Variants in SCARA5 observed in about 807,000 individuals in gnomAD.
SCARA5 encodes scavenger receptor class A member 5, also known as scavenger receptor class A, member 5 (putative).
In SCARA5, 45 loss-of-function variants were observed where a neutral mutation model predicts 46.3. The observed-to-expected ratio is 0.97, with a 90% CI of 0.76 to 1.24. The LOEUF (loss-of-function observed/expected upper bound fraction) is 1.24. Among genes scored for constraint, SCARA5 ranks in the 50% most tolerant of loss-of-function variants. SCARA5 has a pLI of 0.00. For missense variants in SCARA5, 680 were observed against 689.0 expected, an observed-to-expected ratio of 0.99 and a Z score of 0.15; for synonymous variants, 333 against 306.5, an observed-to-expected ratio of 1.09 and a Z score of -0.90.
In SCARA5 at chr8:27,871,444, G is replaced by A; in HGVS notation, c.*490C>T. Reference sequence around the variant, plus strand: ...GGGGAGCAGAGGCAGAGTAAAGGGGGGAAATTCATCACTTGACGTTGCCTC... The same window carrying A: ...GGGGAGCAGAGGCAGAGTAAAGGGGAGAAATTCATCACTTGACGTTGCCTC... On this transcript the variant is annotated 3_prime_UTR_variant, in exon 9 of 9. Coordinates refer to ENST00000354914, the MANE Select transcript of SCARA5 (RefSeq NM_173833.6). 1 of 989,058 alleles carries A rather than the reference G, an allele frequency of 1.0e-6. No individual in the cohort carries two copies. Among genetic ancestry groups the A allele is most frequent in the Non-Finnish European group, 1.2e-6 (1 of 832,038 alleles). The allele number at this position is 989,058 out of a possible 1,614,324, so 61.3% of individuals were successfully genotyped here.
chr8:27,886,824 G>A (rs1290381129), intron 7 of SCARA5, among the ~76,000 whole-genome samples: 1 of 152,168 alleles, frequency 6.6e-6, no homozygotes, highest in Non-Finnish European at 1.5e-5. Context: ...GCCCCACAAT[G>A]TGTCAGCCCC....
intron 2 of SCARA5, among the ~76,000 whole-genome samples, chr8:27,973,485 AAATT>A (rs940542788): frequency 7.2e-5 from 11 of 151,844 alleles, no homozygotes; most frequent in African/African-American, 1.2e-4. Context: ...TCAAATAAAT[AAATT>A]AATTAATTAA....
intron 5 of SCARA5, 146 bp from the exon 6 acceptor site, chr8:27,907,392 C>T (rs1563520264): frequency 1.4e-5 from 8 of 564,224 alleles, no homozygotes; most frequent in South Asian, 9.3e-5. Flanking sequence ...TCTAAAGATG[C>T]CACCACAGCA....
chr8:27,953,562 G>T (rs1248545518), intron 3 of SCARA5, among the ~76,000 whole-genome samples: 1 of 152,214 alleles, frequency 6.6e-6, no homozygotes, highest in Non-Finnish European at 1.5e-5. Context: ...AGTGAGTTTG[G>T]GTTTGGGCCT....
chr8:27,941,800 C>CATCATTATTATTATTATT (rs1554573666), intron 3 of SCARA5, among the ~76,000 whole-genome samples: 1 of 135,312 alleles, frequency 7.4e-6, no homozygotes. Context: ...TTTACATCAT[C>CATCATTATTATTATTATT]ATTATTATTA....
At chr8:27,911,364 C>G (rs1227418245) in intron 4 of SCARA5, among the ~76,000 whole-genome samples, 1 of 152,196 alleles carries the variant, frequency 6.6e-6, no homozygotes, top group Non-Finnish European at 1.5e-5. Flanking sequence ...ACTCAGACTC[C>G]AAGCTCTCAC....
chr8:27,876,531 G>T (rs879860737), intron 8 of SCARA5, among the ~76,000 whole-genome samples: 1 of 152,122 alleles, frequency 6.6e-6, no homozygotes, highest in East Asian at 1.9e-4. Context: ...CTGGTAGGAC[G>T]GTTCTGGTGA....
chr8:27,913,529 C>T (rs775178308), intron 4 of SCARA5, among the ~76,000 whole-genome samples: 5 of 152,218 alleles, frequency 3.3e-5, no homozygotes, highest in African/African-American at 1.2e-4. Flanking sequence ...CATCCCTTTC[C>T]AGCTACATGC....
Position 27,941,800 on chromosome 8 carries a change from CATTATTATT to C in SCARA5, c.242-19564_242-19556del, listed in dbSNP as rs71536304. On this transcript the variant is annotated intron_variant, in intron 3 of 8. Transcript: ENST00000354914. The stretch of plus-strand genomic sequence containing the variant: ...AACATTTAATCCCCATTTACATCAT[CATTATTATT>C]ATTATTATTATTATTATTATTATTA... Among the ~76,000 whole-genome samples the C allele has an allele frequency of 5.9e-3, 805 of 135,298 alleles. 8 individuals carry two copies. Among genetic ancestry groups the C allele is most frequent in the African/African-American group, 0.016 (571 of 35,256 alleles). The allele number at this position is 135,298 out of a possible 152,430, so 88.8% of individuals were successfully genotyped here. A position where few individuals can be genotyped will look rare whatever the true frequency, so the allele number is the denominator to read the frequency against.
At position 27,934,760 on chromosome 8, in the gene SCARA5, G is replaced by A. The variant is rs188161519; in HGVS notation, c.242-12515C>T. Among the ~76,000 whole-genome samples the A allele has an allele frequency of 2.2e-3, 340 of 152,330 alleles. 1 individual carries two copies. Among genetic ancestry groups the A allele is most frequent in the Non-Finnish European group, 4.2e-3 (288 of 68,026 alleles). ...CCTGGAGCAGGGGGCAGGAGGCATG[G>A]CATTAGGAAGGTCACTTATACTCCT... On this transcript the variant is annotated intron_variant, in intron 3 of 8. Coordinates refer to ENST00000354914, the MANE Select transcript of SCARA5 (RefSeq NM_173833.6).
At chr8:27,896,889 C>T (rs770652900) in intron 7 of SCARA5, among the ~76,000 whole-genome samples, 264 of 152,188 alleles carry the variant, frequency 1.7e-3, no homozygotes, top group African/African-American at 5.9e-3. Context: ...GTCAGGAGTT[C>T]GAGACCAGCC....
At chr8:27,898,416 A>G (rs1807098389) in intron 7 of SCARA5, among the ~76,000 whole-genome samples, 1 of 152,188 alleles carries the variant, frequency 6.6e-6, no homozygotes, top group African/African-American at 2.4e-5. Context: ...GTGGCCGGAG[A>G]GGCTAAGCGA....
Position 27,964,562 on chromosome 8 carries a change from C to T in SCARA5, c.241+1852G>A, listed in dbSNP as rs150989525. 7.9e-3 allele frequency among the ~76,000 whole-genome samples: 1,206 copies of T among 152,204 alleles called. 20 individuals carry two copies. Among genetic ancestry groups the T allele is most frequent in the African/African-American group, 0.028 (1,153 of 41,494 alleles). ...AAAGCCTTTTTTTCATCATACTGGA[C>T]GGCACTACTTGTTAGCAAACTGTCC... On this transcript the variant is annotated intron_variant, in intron 3 of 8. Coordinates refer to ENST00000354914, the MANE Select transcript of SCARA5 (RefSeq NM_173833.6).
At chr8:27,911,508 A>G (rs1409951844) in intron 4 of SCARA5, among the ~76,000 whole-genome samples, 1 of 152,202 alleles carries the variant, frequency 6.6e-6, no homozygotes, top group African/African-American at 2.4e-5. Flanking sequence ...CCTGGCCAAC[A>G]TGGTGAAATC....
At chr8:27,897,875 G>A (rs1807090646) in intron 7 of SCARA5, among the ~76,000 whole-genome samples, 1 of 152,228 alleles carries the variant, frequency 6.6e-6, no homozygotes, top group Non-Finnish European at 1.5e-5. Context: ...CCCAGGCTTT[G>A]GCCCTGGTTC....
intron 3 of SCARA5, among the ~76,000 whole-genome samples, chr8:27,940,456 A>G (rs968511087): frequency 6.6e-6 from 1 of 152,224 alleles, no homozygotes; most frequent in African/African-American, 2.4e-5. Flanking sequence ...TGAGGAAACA[A>G]AGGCTGGAAA....
chr8:27,966,522 CCCG>C lies in SCARA5; in HGVS notation c.130_132del (p.Arg44del). The C allele has an allele frequency of 6.2e-7, 1 of 1,612,906 alleles. No homozygotes were observed. Among genetic ancestry groups the C allele is most frequent in the Non-Finnish European group, 8.5e-7 (1 of 1,179,602 alleles). On this transcript the variant is annotated inframe_deletion, in exon 3 of 9. Transcript: ENST00000354914. ...CCCAGCTGGGTACAGCAGATGCTTG[CCCG>C]CCGTTTGTGACATGGACCTGGACAA...
intron 2 of SCARA5, among the ~76,000 whole-genome samples, chr8:27,981,841 G>T (rs2129974813): frequency 6.6e-6 from 1 of 152,248 alleles, no homozygotes; most frequent in Non-Finnish European, 1.5e-5. Context: ...TGGGTTAATA[G>T]TCCCCTCTCC....
chr8:27,953,311 G>A (rs184556948), intron 3 of SCARA5, among the ~76,000 whole-genome samples: 446 of 152,342 alleles, frequency 2.9e-3, no homozygotes, highest in Non-Finnish European at 5.2e-3. Flanking sequence ...CGGAGGATGC[G>A]GTGGGCCACC....
Sources: gnomAD v4.1 joint callset for allele counts (sites outside exome capture counted in the v4.1 genomes callset) on GRCh38, gnomAD v4.1.1 for gene constraint, MANE v1.5 for transcripts, NCBI Gene and HGNC (gene_info 2026-07-23, HGNC 2026-07-21) for gene names.